PASK: variants seen among roughly 807,000 people sequenced by gnomAD.
The protein encoded by PASK is PAS domain containing serine/threonine kinase, also known as PAS domain-containing serine/threonine-protein kinase.
Under a neutral mutation model 121.0 loss-of-function variants are expected in PASK, and 110 were observed. That is an observed-to-expected ratio of 0.91 (90% CI 0.78 to 1.06). The LOEUF (loss-of-function observed/expected upper bound fraction) is 1.06. PASK is among the 50% of genes least tolerant of loss of function. PASK has a pLI of 0.00. For synonymous variants in PASK, 686 were observed against 717.8 expected (o/e 0.96, Z 0.71); for missense variants, 1,643 against 1,702.3 (o/e 0.97, Z 0.61).
intron 2 of PASK, among the ~76,000 whole-genome samples, chr2:241,142,172 T>A (rs532152806): frequency 6.6e-6 from 1 of 150,622 alleles, no homozygotes; most frequent in Non-Finnish European, 1.5e-5. Context: ...AACACCCTCC[T>A]ACTCCAGTGT....
At chr2:241,144,206 A>G (rs554497184) in intron 1 of PASK, among the ~76,000 whole-genome samples, 1 of 152,322 alleles carries the variant, frequency 6.6e-6, no homozygotes, top group South Asian at 2.1e-4. Flanking sequence ...ACATGTATAC[A>G]TTCATGTGAC....
At chr2:241,139,748 AT>A in intron 4 of PASK, 136 bp downstream of exon 4, 1 of 846,128 alleles carries the variant, frequency 1.2e-6, no homozygotes, top group Non-Finnish European at 2.0e-6. Context: ...CTGGGATGAC[AT>A]TTTCAGCTGA....
At chr2:241,130,484 G>T (rs985907903) in intron 9 of PASK, among the ~76,000 whole-genome samples, 6 of 152,108 alleles carry the variant, frequency 3.9e-5, no homozygotes, top group African/African-American at 1.4e-4. Flanking sequence ...ACTGGCAAGG[G>T]GGCCCGGCCG....
intron 3 of PASK, 46 bp from the exon 4 acceptor site, chr2:241,140,101 C>T: frequency 6.6e-7 from 1 of 1,507,516 alleles, no homozygotes; most frequent in South Asian, 1.1e-5. Context: ...TCCCCAGCAG[C>T]TCCACCAGCT....
At position 241,137,151 on chromosome 2, in the gene PASK, G is replaced by C. The variant is rs749802717; in HGVS notation, c.990C>G (p.Ala330=). 1.4e-5 allele frequency: 23 copies of C among 1,613,580 alleles called. No homozygotes were observed. Among genetic ancestry groups the C allele is most frequent in the Non-Finnish European group, 1.9e-5 (23 of 1,179,820 alleles). ...CAGATGCCCGGTAGCCGCTCACAGG[G>C]GCCGCCTCACCGGTGGTCGCCTCCT... The part of the protein sequence containing the change: ...SSEEATTGEA[A]PVSGYRASVW... The change falls in exon 7 of 18, where the codon GCC becomes GCG. Residue 330 remains alanine (A), a synonymous_variant. Transcript: ENST00000234040.
intron 12 of PASK, among the ~76,000 whole-genome samples, chr2:241,116,290 G>A (rs1235426080): frequency 6.6e-6 from 1 of 152,204 alleles, no homozygotes. Flanking sequence ...AGTGATAAAC[G>A]CCTGCAGCAC....
In PASK at chr2:241,112,187, C is replaced by T; in HGVS notation, c.3533+53G>A. On this transcript the variant is annotated intron_variant, in intron 15 of 17. Coordinates refer to ENST00000234040, the MANE Select transcript of PASK (RefSeq NM_015148.4). This position sits in a 1 kb window ranked among gnomAD's most constrained non-coding sequence, Gnocchi z 5.2. ...TTCCCACCCAAAATCAAGCCACCCT[C>T]AGGGTCCTGACAGAGGACACGAGGA... The T allele has an allele frequency of 7.1e-7, 1 of 1,401,506 alleles. No individual in the cohort carries two copies. Among genetic ancestry groups the T allele is most frequent in the Middle Eastern group, 1.8e-4 (1 of 5,490 alleles). 86.8% of individuals were successfully genotyped at this position (1,401,506 alleles called of 1,614,324 possible). A position where few individuals can be genotyped will look rare whatever the true frequency, so the allele number is the denominator to read the frequency against.
chr2:241,117,546 A>C (rs2065427505), intron 12 of PASK, among the ~76,000 whole-genome samples: 1 of 152,246 alleles, frequency 6.6e-6, no homozygotes, highest in East Asian at 1.9e-4. Flanking sequence ...TAACGGAACC[A>C]AAGAACGGAA....
At position 241,107,907 on chromosome 2, in the gene PASK, A is replaced by AGGGCCACTTGGAG. The variant is rs1553605877; in HGVS notation, c.3667+247_3667+259dup. 2.6e-5 allele frequency among the ~76,000 whole-genome samples: 4 copies of AGGGCCACTTGGAG among 152,308 alleles called. No homozygotes were observed. In the East Asian group the frequency reaches 7.7e-4, roughly 29 times the overall value. ...TTAACCATGTAGGCACCAAGTCAACAGGGCCACTTGGAGCCTCCCTGTCCT... is the reference window on the plus strand; with the variant it reads ...TTAACCATGTAGGCACCAAGTCAACAGGGCCACTTGGAGGGGCCACTTGGAGCCTCCCTGTCCT... On this transcript the variant is annotated intron_variant, in intron 16 of 17. Transcript: ENST00000234040.
intron 12 of PASK, among the ~76,000 whole-genome samples, chr2:241,121,837 A>T (rs777596252): frequency 6.6e-6 from 1 of 152,274 alleles, no homozygotes; most frequent in Non-Finnish European, 1.5e-5. Context: ...AAATATATGA[A>T]GTAAAATCTG....
Position 241,122,904 on chromosome 2 carries a change from A to G in PASK, c.2905-5T>C. The G allele has an allele frequency of 6.2e-7, 1 of 1,613,546 alleles. No individual in the cohort carries two copies. Among genetic ancestry groups the G allele is most frequent in the Non-Finnish European group, 8.5e-7 (1 of 1,179,604 alleles). ...CCAGGGTCTGGCTCTGAGCACCTGCAATGCAGAAGAAGGTCTGTGGGGTCA... is the reference window on the plus strand; with the variant it reads ...CCAGGGTCTGGCTCTGAGCACCTGCGATGCAGAAGAAGGTCTGTGGGGTCA... On this transcript the variant is annotated splice_region_variant and splice_polypyrimidine_tract_variant and intron_variant, in intron 11 of 17. Transcript: ENST00000234040.
At chr2:241,132,340 T>C (rs2066186527) in intron 9 of PASK, among the ~76,000 whole-genome samples, 1 of 150,946 alleles carries the variant, frequency 6.6e-6, no homozygotes, top group African/African-American at 2.4e-5. Flanking sequence ...CTGGCCAACA[T>C]GGTGAAACTA....
At chr2:241,111,925 A>G (rs1370773149) in intron 15 of PASK, among the ~76,000 whole-genome samples, 52 of 152,264 alleles carry the variant, frequency 3.4e-4, no homozygotes, top group Admixed American at 2.7e-3. Flanking sequence ...CTAACTAAAA[A>G]GAATCCTCTT....
At chr2:241,144,377 G>C (rs756154180) in intron 1 of PASK, among the ~76,000 whole-genome samples, 1 of 152,166 alleles carries the variant, frequency 6.6e-6, no homozygotes. Flanking sequence ...GCCCCCACCT[G>C]GTCATCCAGG....
chr2:241,129,876 G>A (rs1255238206), intron 9 of PASK, among the ~76,000 whole-genome samples: 1 of 152,082 alleles, frequency 6.6e-6, no homozygotes, highest in Admixed American at 6.6e-5. Context: ...TGACCCCCGT[G>A]GAGACCCGAG....
chr2:241,109,493 G>C (rs1387585592), intron 15 of PASK: 4 of 151,090 alleles, frequency 2.6e-5, no homozygotes, highest in Non-Finnish European at 4.4e-5. Context: ...AGTGAGAAGA[G>C]TGGCACGGAC....
chr2:241,113,675 TGA>T, intron 14 of PASK: 1 of 963,304 alleles, frequency 1.0e-6, no homozygotes, highest in Non-Finnish European at 1.2e-6. Context: ...TAACTAGTAC[TGA>T]GAGATTAACC....
chr2:241,139,369 T>G (rs182684267), intron 4 of PASK, among the ~76,000 whole-genome samples: 1 of 151,912 alleles, frequency 6.6e-6, no homozygotes, highest in Non-Finnish European at 1.5e-5. Context: ...TTGGGCTTTT[T>G]CCATGCCTTG....
intron 1 of PASK, among the ~76,000 whole-genome samples, chr2:241,147,753 A>AT (rs57604382): frequency 0.27 from 41,025 of 152,192 alleles, 6,830 homozygotes; most frequent in Middle Eastern, 0.45. Context: ...AGGGCATGCA[A>AT]TTTTTTGTCC....
Sources: allele counts gnomAD v4.1 joint callset (sites outside exome capture counted in the v4.1 genomes callset), GRCh38; gene constraint gnomAD v4.1.1; non-coding constraint Gnocchi (gnomAD v3.1); transcripts MANE v1.5; gene names NCBI Gene and HGNC (gene_info 2026-07-23, HGNC 2026-07-21).